The following STX8 variants were observed in gnomAD, a reference collection of about 807,000 sequenced individuals.
The protein encoded by STX8 is syntaxin 8.
STX8 carries 23 observed loss-of-function variants against 37.5 expected under a neutral mutation model. The ratio of observed to expected loss-of-function variants is 0.61; its 90% confidence interval spans 0.44 to 0.87. The LOEUF (loss-of-function observed/expected upper bound fraction) is 0.87. STX8 is among the 40% of genes least tolerant of loss of function. STX8 has a pLI of 0.00. For missense variants in STX8, 313 were observed against 284.7 expected (o/e 1.10, Z -0.71); for synonymous variants, 115 against 99.1 (o/e 1.16, Z -0.95).
intron 3 of STX8, among the ~76,000 whole-genome samples, chr17:9,546,781 T>C (rs1906546057): frequency 2.0e-5 from 3 of 150,862 alleles, no homozygotes; most frequent in Middle Eastern, 6.8e-3. Flanking sequence ...GTATTTTTGG[T>C]AGAGACAGGT....
At chr17:9,262,790 C>T (rs1907090787) in intron 7 of STX8, among the ~76,000 whole-genome samples, 1 of 152,032 alleles carries the variant, frequency 6.6e-6, no homozygotes, top group African/African-American at 2.4e-5. Flanking sequence ...CCATGTTGGC[C>T]AGGATGGTCT....
At chr17:9,431,148 G>A (rs1055917301) in intron 6 of STX8, among the ~76,000 whole-genome samples, 11 of 141,688 alleles carry the variant, frequency 7.8e-5, no homozygotes, top group Admixed American at 4.1e-4. Flanking sequence ...AAGCCACTGC[G>A]CCCAGCCTTT....
At chr17:9,392,526 G>C (rs922630459) in intron 6 of STX8, among the ~76,000 whole-genome samples, 7 of 152,142 alleles carry the variant, frequency 4.6e-5, no homozygotes, top group Non-Finnish European at 1.0e-4. Context: ...AGAATCACTT[G>C]AGCCCAGGAG....
chr17:9,557,460 C>G lies in STX8; in HGVS notation c.186G>C (p.Leu62Phe), dbSNP rs757807914. The G allele has an allele frequency of 4.3e-6, 7 of 1,613,950 alleles. No individual in the cohort carries two copies. Among genetic ancestry groups the G allele is most frequent in the Non-Finnish European group, 5.9e-6 (7 of 1,179,882 alleles). ...KEKIALLKDLLLRAVSTHQIT... is the reference protein window; with the variant it reads ...KEKIALLKDLFLRAVSTHQIT... Reference sequence around the variant, plus strand: ...TCTGATGTGTTGACACAGCTCTTAGCAATAAGTCCTTCAAAAGGGCGATCT... The same window carrying G: ...TCTGATGTGTTGACACAGCTCTTAGGAATAAGTCCTTCAAAAGGGCGATCT... The change falls in exon 3 of 8, where the codon TTG (leucine) becomes TTC (phenylalanine). Residue 62 changes from leucine to phenylalanine, a missense_variant. Coordinates refer to ENST00000306357, the MANE Select transcript of STX8 (RefSeq NM_004853.3).
rs1467923502 is a variant in STX8, at chr17:9,343,032, A to G, written c.643+35520T>C. On this transcript the variant is annotated intron_variant, in intron 7 of 7. Transcript: ENST00000306357. ...TGAAACTGTCTCAAAAAAAAAAAAA[A>G]AAAAAAAAAAAGCTGCAAATGTGAG... 7.5e-3 allele frequency among the ~76,000 whole-genome samples: 1,132 copies of G among 149,934 alleles called. 17 individuals carry two copies. Among genetic ancestry groups the G allele is most frequent in the African/African-American group, 0.026 (1,055 of 39,974 alleles).
In STX8 at chr17:9,540,989, G is replaced by A. The variant is rs542591568; in HGVS notation, c.323+4183C>T. 5.6e-4 allele frequency among the ~76,000 whole-genome samples: 85 copies of A among 152,206 alleles called. 2 individuals carry two copies. In the South Asian group the frequency reaches 0.017, roughly 30 times the overall value. ...AAGCAACAGCTTTAGTCCACCACAT[G>A]GATCAGCCTTATGGGCATGAAGAGC... On this transcript the variant is annotated intron_variant, in intron 4 of 7. Transcript: ENST00000306357.
intron 5 of STX8, among the ~76,000 whole-genome samples, chr17:9,492,434 T>C (rs1906895719): frequency 6.6e-6 from 1 of 152,226 alleles, no homozygotes; most frequent in Admixed American, 6.5e-5. Flanking sequence ...CCAAGTACTA[T>C]GTAATAGGTG....
At chr17:9,372,971 G>T (rs1026597049) in intron 7 of STX8, among the ~76,000 whole-genome samples, 11 of 151,010 alleles carry the variant, frequency 7.3e-5, no homozygotes, top group African/African-American at 2.7e-4. Flanking sequence ...CAGCGTGGTG[G>T]TGCATGCCTG....
At chr17:9,431,427 TTTGTTGTTGTTG>T (rs147664582) in intron 6 of STX8, among the ~76,000 whole-genome samples, 1 of 148,616 alleles carries the variant, frequency 6.7e-6, no homozygotes, top group Non-Finnish European at 1.5e-5. Context: ...TAGCAGGGTT[TTTGTTGTTGTTG>T]TTGTTGTTGT....
intron 6 of STX8, among the ~76,000 whole-genome samples, chr17:9,413,948 A>T (rs1461546036): frequency 1.3e-5 from 2 of 151,772 alleles, no homozygotes; most frequent in African/African-American, 4.8e-5. Context: ...CCACCCACCT[A>T]TCCACTCAAC....
At chr17:9,426,563 C>A (rs924854556) in intron 6 of STX8, among the ~76,000 whole-genome samples, 3 of 151,906 alleles carry the variant, frequency 2.0e-5, no homozygotes, top group African/African-American at 7.3e-5. Context: ...AACTAAAGAC[C>A]TGCCTGGGCA....
At chr17:9,300,330 T>C (rs1353967119) in intron 7 of STX8, among the ~76,000 whole-genome samples, 1 of 20,796 alleles carries the variant, frequency 4.8e-5, no homozygotes, top group African/African-American at 9.9e-5. Context: ...AAACTCCATC[T>C]CAAAAAAAAA....
chr17:9,482,126 C>G (rs28621849), intron 6 of STX8, among the ~76,000 whole-genome samples: 3,693 of 152,116 alleles, frequency 0.024, 133 homozygotes, highest in African/African-American at 0.082. Flanking sequence ...GTACCATGAT[C>G]GAGCCTGTGA....
intron 6 of STX8, among the ~76,000 whole-genome samples, chr17:9,402,999 C>G (rs2142321960): frequency 2.0e-5 from 3 of 152,274 alleles, no homozygotes; most frequent in Middle Eastern, 6.8e-3. Flanking sequence ...TCGCCACAGC[C>G]CTCCTGACAT....
chr17:9,382,475 A>T (rs1245031728), intron 6 of STX8, among the ~76,000 whole-genome samples: 1 of 152,242 alleles, frequency 6.6e-6, no homozygotes, highest in African/African-American at 2.4e-5. Flanking sequence ...GTACATGTGC[A>T]CAACGTGCAG....
At chr17:9,488,057 T>G (rs1452978395) in intron 6 of STX8, among the ~76,000 whole-genome samples, 1 of 152,142 alleles carries the variant, frequency 6.6e-6, no homozygotes, top group Non-Finnish European at 1.5e-5. Context: ...CTGGGTGCAG[T>G]GGCTCATGCC....
chr17:9,525,108 C>G (rs1905510730), intron 4 of STX8, among the ~76,000 whole-genome samples: 1 of 151,968 alleles, frequency 6.6e-6, no homozygotes, highest in Non-Finnish European at 1.5e-5. Context: ...TGCGCCTGGC[C>G]AACACCCACG....
At chr17:9,254,857 G>GTC (rs1396273329) in intron 7 of STX8, among the ~76,000 whole-genome samples, 3 of 152,180 alleles carry the variant, frequency 2.0e-5, no homozygotes, top group African/African-American at 7.2e-5. Context: ...GTGTGCATGT[G>GTC]TGTGTGTGTG....
At position 9,359,503 on chromosome 17, in the gene STX8, A is replaced by ATTTT. The variant is rs145808683; in HGVS notation, c.643+19045_643+19048dup. Among the ~76,000 whole-genome samples the ATTTT allele has an allele frequency of 1.9e-3, 176 of 91,722 alleles. 1 individual carries two copies. Among genetic ancestry groups the ATTTT allele is most frequent in the African/African-American group, 6.8e-3 (155 of 22,742 alleles). The allele number at this position is 91,722 out of a possible 152,430, so 60.2% of individuals were successfully genotyped here. A position where few individuals can be genotyped will look rare whatever the true frequency, so the allele number is the denominator to read the frequency against. On this transcript the variant is annotated intron_variant, in intron 7 of 7. Coordinates refer to ENST00000306357, the MANE Select transcript of STX8 (RefSeq NM_004853.3). ...CTGGTATTCCACAATGCTGAGACAT[A>ATTTT]TTTTTTTTTTTTTTTTTTTTTTGGG... is the stretch of plus-strand genomic sequence containing the variant.
Sources: allele counts gnomAD v4.1 joint callset (sites outside exome capture counted in the v4.1 genomes callset), GRCh38; gene constraint gnomAD v4.1.1; transcripts MANE v1.5; gene names NCBI Gene and HGNC (gene_info 2026-07-23, HGNC 2026-07-21).